Variants in LAMA2 observed in about 807,000 individuals in gnomAD.
LAMA2 encodes the protein laminin subunit alpha-2.
A neutral mutation model predicts 364.8 loss-of-function variants in LAMA2; 269 were observed. The ratio of observed to expected loss-of-function variants is 0.74; its 90% CI spans 0.67 to 0.82. The LOEUF (loss-of-function observed/expected upper bound fraction) is 0.82. LAMA2 is among the 40% of genes least tolerant of loss of function. The probability of loss-of-function intolerance (pLI) is 0.00; values close to 1 mark genes in which losing one functional copy is unlikely to be tolerated. For missense variants in LAMA2, 3,807 were observed against 3,873.2 expected (o/e 0.98, Z 0.45); for synonymous variants, 1,379 against 1,370.6 (o/e 1.01, Z -0.14).
chr6:128,935,741 C>T (rs1779774972), intron 1 of LAMA2, among the ~76,000 whole-genome samples: 1 of 152,146 alleles, frequency 6.6e-6, no homozygotes, highest in African/African-American at 2.4e-5. Flanking sequence ...CAAACAGAGA[C>T]AATTTACCTT....
chr6:129,440,800 C>T lies in LAMA2; in HGVS notation c.6086-16C>T, dbSNP rs199878847. On this transcript the variant is annotated splice_polypyrimidine_tract_variant and intron_variant, in intron 42 of 64. Coordinates refer to ENST00000421865, the MANE Select transcript of LAMA2 (RefSeq NM_000426.4). ...ACACCCTTTGTTTTGTTTTTCATACCCTCATCTGCTGACAGATACAGCTGC... is the reference window on the plus strand; with the variant it reads ...ACACCCTTTGTTTTGTTTTTCATACTCTCATCTGCTGACAGATACAGCTGC... 1.7e-4 allele frequency: 271 copies of T among 1,612,536 alleles called. No individual in the cohort carries two copies. The African/African-American group carries it at 3.2e-3, about 19-fold the overall frequency.
At chr6:129,048,489 TTTCTTTCCTTCCTTCCTTCC>T (rs1206518693) in intron 1 of LAMA2, among the ~76,000 whole-genome samples, 30 of 70,754 alleles carry the variant, frequency 4.2e-4, no homozygotes, top group African/African-American at 9.0e-4. Context: ...TCTTTCTTTC[TTTCTTTCCTTCCTTCCTTCC>T]TTCCTTCCTT....
At chr6:129,442,727 A>G in intron 43 of LAMA2, 2 of 358,364 alleles carry the variant, frequency 5.6e-6, no homozygotes, top group South Asian at 5.1e-5. Flanking sequence ...ATTGATTCTC[A>G]ACTGGTAGTG....
chr6:128,907,638 C>A (rs1777578280), intron 1 of LAMA2, among the ~76,000 whole-genome samples: 1 of 152,096 alleles, frequency 6.6e-6, no homozygotes, highest in African/African-American at 2.4e-5. Flanking sequence ...CCTTCTCCTG[C>A]CTAATTGCCC....
rs112327654 is a variant in LAMA2, at chr6:129,316,082, T to A, written c.3969T>A (p.Thr1323=). The A allele has an allele frequency of 6.8e-6, 11 of 1,612,194 alleles. No individual in the cohort carries two copies. The African/African-American group carries it at 8.0e-5, about 12-fold the overall frequency. The change falls in exon 27 of 65, where the codon ACT becomes ACA. Residue 1323 remains threonine (T), a synonymous_variant. Coordinates refer to ENST00000421865, the MANE Select transcript of LAMA2 (RefSeq NM_000426.4). The part of the protein sequence containing the change: ...YYGDDPRVHR[T]VTREDFLDIL... ...GGGATGATCCTCGAGTCCATAGAAC[T>A]GTGACCCGAGAAGACTTCTTGGATA...
At chr6:129,413,710 T>C (rs951230315) in intron 40 of LAMA2, among the ~76,000 whole-genome samples, 4 of 152,142 alleles carry the variant, frequency 2.6e-5, no homozygotes, top group Non-Finnish European at 5.9e-5. Flanking sequence ...ACGAAGTATT[T>C]AATAACAGAA....
chr6:129,290,911 A>G (rs1216923555), intron 19 of LAMA2, among the ~76,000 whole-genome samples: 2 of 152,224 alleles, frequency 1.3e-5, no homozygotes, highest in Non-Finnish European at 2.9e-5. Flanking sequence ...TTATAATGCT[A>G]TAGTCTTAAG....
intron 4 of LAMA2, among the ~76,000 whole-genome samples, chr6:129,129,666 T>C (rs1342531219): frequency 6.6e-6 from 1 of 152,188 alleles, no homozygotes; most frequent in Non-Finnish European, 1.5e-5. Context: ...GGCTCACGCC[T>C]GTAATCCCAG....
At chr6:128,883,807 C>CACACAT (rs1554312934) in intron 1 of LAMA2, among the ~76,000 whole-genome samples, 19 of 101,958 alleles carry the variant, frequency 1.9e-4, no homozygotes, top group African/African-American at 6.5e-4. Context: ...TATATACACA[C>CACACAT]ACACACACAC....
chr6:129,129,078 G>A (rs768529567), intron 4 of LAMA2, among the ~76,000 whole-genome samples: 16 of 152,148 alleles, frequency 1.1e-4, no homozygotes, highest in East Asian at 1.9e-4. Context: ...TCTGCTGTCC[G>A]TATCTTCCTC....
At chr6:129,004,406 T>TAAAAAAA (rs61244248) in intron 1 of LAMA2, among the ~76,000 whole-genome samples, 12 of 53,812 alleles carry the variant, frequency 2.2e-4, no homozygotes, top group African/African-American at 9.9e-4. Flanking sequence ...AGTATAATAA[T>TAAAAAAA]AAAAAAAAAA....
rs1783886529 is a variant in LAMA2, at chr6:128,995,621, GC to G, written c.113-54293del. Reference sequence around the variant, plus strand: ...TTACAGGCATGAACCACCGCACCTGGCCCCAGTAGGTGGTTTAAACCCTTTC... The same window carrying G: ...TTACAGGCATGAACCACCGCACCTGGCCCAGTAGGTGGTTTAAACCCTTTC... On this transcript the variant is annotated intron_variant, in intron 1 of 64. Coordinates refer to ENST00000421865, the MANE Select transcript of LAMA2 (RefSeq NM_000426.4). Among the ~76,000 whole-genome samples the G allele has an allele frequency of 3.3e-5, 5 of 152,154 alleles. No individual in the cohort carries two copies. The South Asian group carries it at 1.0e-3, about 32-fold the overall frequency.
chr6:129,295,340 C>T (rs940628455), intron 20 of LAMA2, among the ~76,000 whole-genome samples: 5 of 152,102 alleles, frequency 3.3e-5, no homozygotes, highest in Admixed American at 6.5e-5. Flanking sequence ...GTTCTTATTA[C>T]CCCGAGAGAG....
In LAMA2 at chr6:129,069,819, ATAT is replaced by A. The variant is rs1396365343; in HGVS notation, c.396+9925_396+9927del. ...CAATATAATAAAAATGTGATAAATA[ATAT>A]TGTATAATATATAATTATATACAAT... is the stretch of plus-strand genomic sequence containing the variant. On this transcript the variant is annotated intron_variant, in intron 3 of 64. Coordinates refer to ENST00000421865, the MANE Select transcript of LAMA2 (RefSeq NM_000426.4). 4.8e-5 allele frequency among the ~76,000 whole-genome samples: 7 copies of A among 146,414 alleles called. No homozygotes were observed. The East Asian group carries it at 9.9e-4, about 21-fold the overall frequency.
intron 1 of LAMA2, among the ~76,000 whole-genome samples, chr6:128,988,320 G>A (rs1783397651): frequency 6.6e-6 from 1 of 151,918 alleles, no homozygotes; most frequent in Non-Finnish European, 1.5e-5. Context: ...CCTTCCTAAT[G>A]CCAAACCAAC....
At chr6:129,133,957 C>T (rs192258473) in intron 4 of LAMA2, among the ~76,000 whole-genome samples, 3 of 152,268 alleles carry the variant, frequency 2.0e-5, no homozygotes, top group African/African-American at 7.2e-5. Context: ...CTGAATTTCT[C>T]TTTTAAGTTC....
intron 58 of LAMA2, among the ~76,000 whole-genome samples, chr6:129,497,155 A>G (rs1785250587): frequency 4.6e-5 from 7 of 152,198 alleles, no homozygotes; most frequent in Admixed American, 3.3e-4. Flanking sequence ...TTGATATGTA[A>G]TGATGATATA....
At chr6:129,012,832 T>C (rs2114698402) in intron 1 of LAMA2, among the ~76,000 whole-genome samples, 1 of 152,360 alleles carries the variant, frequency 6.6e-6, no homozygotes, top group African/African-American at 2.4e-5. Context: ...TTGGAGGCTG[T>C]ATTTGCAATA....
intron 1 of LAMA2, among the ~76,000 whole-genome samples, chr6:128,960,298 G>T (rs1315344563): frequency 2.0e-5 from 3 of 148,116 alleles, no homozygotes; most frequent in African/African-American, 7.4e-5. Flanking sequence ...TAATCCCCTA[G>T]CTTTTTGTCT....
Sources: allele counts gnomAD v4.1 joint callset (sites outside exome capture counted in the v4.1 genomes callset), GRCh38; gene constraint gnomAD v4.1.1; transcripts MANE v1.5; gene names NCBI Gene and HGNC (gene_info 2026-07-23, HGNC 2026-07-21).